The following NR3C1 variants were observed in gnomAD, a reference collection of about 807,000 sequenced individuals.
NR3C1 encodes glucocorticoid receptor.
A neutral mutation model predicts 74.0 loss-of-function variants in NR3C1; 14 were observed. The observed-to-expected ratio is 0.19, with a 90% CI of 0.12 to 0.30. NR3C1 has a LOEUF of 0.30. Ranked by LOEUF, NR3C1 falls within the 10% of genes least tolerant of loss-of-function variation. The probability of loss-of-function intolerance (pLI) is 1.00; values close to 1 mark genes in which losing one functional copy is unlikely to be tolerated. For missense variants in NR3C1, 695 were observed against 909.8 expected (o/e 0.76, Z 3.04); for synonymous variants, 308 against 332.5 (o/e 0.93, Z 0.80).
At chr5:143,299,005 GTTTTTTTTTTTT>G (rs35039262) in intron 5 of NR3C1, among the ~76,000 whole-genome samples, 193 bp from the exon 6 acceptor site, 2 of 106,728 alleles carry the variant, frequency 1.9e-5, no homozygotes, top group African/African-American at 7.1e-5. Context: ...ACCCTCTTGT[GTTTTTTTTTTTT>G]TTTTTTTTTT....
intron 2 of NR3C1, among the ~76,000 whole-genome samples, chr5:143,315,283 C>T (rs1180311805): frequency 6.6e-6 from 1 of 152,152 alleles, no homozygotes; most frequent in Non-Finnish European, 1.5e-5. Context: ...GAATTTTCCT[C>T]TTACGTGCTG....
chr5:143,401,477 G>A (rs999346533), intron 1 of NR3C1: 5 of 155,228 alleles, frequency 3.2e-5, no homozygotes, highest in Admixed American at 1.3e-4. Context: ...GCTGGGAAAA[G>A]GCTTTTTAAC....
At chr5:143,357,585 C>CT (rs1432444904) in intron 2 of NR3C1, among the ~76,000 whole-genome samples, 1 of 152,202 alleles carries the variant, frequency 6.6e-6, no homozygotes, top group Non-Finnish European at 1.5e-5. Flanking sequence ...GCCATGCTCC[C>CT]TTTCTCTTGC....
intron 7 of NR3C1, among the ~76,000 whole-genome samples, chr5:143,293,542 A>AAACTT (rs1816424879): frequency 1.3e-5 from 2 of 152,204 alleles, no homozygotes; most frequent in Non-Finnish European, 2.9e-5. Context: ...AAAAGATTAT[A>AAACTT]AACTTAAAAA....
chr5:143,432,349 T>C (rs1026617953), intron 1 of NR3C1, among the ~76,000 whole-genome samples: 2 of 152,146 alleles, frequency 1.3e-5, no homozygotes, highest in African/African-American at 4.8e-5. Context: ...TTCACAAACA[T>C]TGGTCCTGCA....
At chr5:143,344,865 G>A (rs2963148) in intron 2 of NR3C1, among the ~76,000 whole-genome samples, 22,039 of 151,844 alleles carry the variant, frequency 0.15, 1,777 homozygotes, top group African/African-American at 0.17. Flanking sequence ...GTGACAGAGT[G>A]AGACTCCATG....
At chr5:143,290,053 A>G (rs191208344) in intron 7 of NR3C1, among the ~76,000 whole-genome samples, 87 of 152,340 alleles carry the variant, frequency 5.7e-4, no homozygotes, top group African/African-American at 2.1e-3. Flanking sequence ...TATTTTTACT[A>G]GATTTATCTA....
intron 1 of NR3C1, among the ~76,000 whole-genome samples, chr5:143,412,312 A>T (rs949717451): frequency 2.1e-4 from 32 of 152,026 alleles, no homozygotes; most frequent in Non-Finnish European, 3.8e-4. Context: ...ACATGTTGCA[A>T]CTGGAACTCA....
intron 5 of NR3C1, among the ~76,000 whole-genome samples, 192 bp from the exon 6 acceptor site, chr5:143,299,004 TG>T (rs1234970487): frequency 5.7e-4 from 73 of 128,408 alleles, no homozygotes; most frequent in African/African-American, 2.1e-3. Flanking sequence ...AACCCTCTTG[TG>T]TTTTTTTTTT....
intron 1 of NR3C1, among the ~76,000 whole-genome samples, chr5:143,431,993 G>C (rs1751853675): frequency 1.3e-5 from 2 of 152,220 alleles, no homozygotes; most frequent in African/African-American, 2.4e-5. Flanking sequence ...TAGCTGCAAA[G>C]CTGACAGGAG....
intron 7 of NR3C1, among the ~76,000 whole-genome samples, chr5:143,291,129 CTGT>C (rs1164867502): frequency 7.9e-5 from 12 of 152,100 alleles, no homozygotes; most frequent in Admixed American, 2.0e-4. Context: ...GAAATTGTTA[CTGT>C]TGTTATTTTA....
At chr5:143,404,199 C>T (rs1036796061), upstream of NR3C1, 3 of 985,296 alleles carry the variant, frequency 3.0e-6, no homozygotes, top group African/African-American at 5.2e-5. Context: ...GCGTGAGTGG[C>T]CCGCGCCGCC....
At chr5:143,340,751 G>C (rs1193999888) in intron 2 of NR3C1, among the ~76,000 whole-genome samples, 1 of 151,998 alleles carries the variant, frequency 6.6e-6, no homozygotes, top group African/African-American at 2.4e-5. Flanking sequence ...AAAGTGCTGG[G>C]GTTACAGACA....
chr5:143,363,384 G>A (rs1832623437), intron 2 of NR3C1, among the ~76,000 whole-genome samples: 1 of 151,978 alleles, frequency 6.6e-6, no homozygotes, highest in Non-Finnish European at 1.5e-5. Flanking sequence ...CAATTACAAG[G>A]TATACAAAGA....
At chr5:143,345,821 T>C (rs191523788) in intron 2 of NR3C1, among the ~76,000 whole-genome samples, 235 of 152,326 alleles carry the variant, frequency 1.5e-3, no homozygotes, top group Non-Finnish European at 2.4e-3. Flanking sequence ...TTATAAGTGT[T>C]TTGGGTCTTT....
intron 2 of NR3C1, among the ~76,000 whole-genome samples, chr5:143,337,458 A>T (rs1827362843): frequency 6.6e-6 from 1 of 152,242 alleles, no homozygotes; most frequent in Admixed American, 6.5e-5. Context: ...AACTCCATCA[A>T]TAGATATGTA....
chr5:143,404,398 T>C (rs1840921871), upstream of NR3C1: 1 of 985,390 alleles, frequency 1.0e-6, no homozygotes, highest in South Asian at 4.7e-5. Flanking sequence ...GGGAGTCGCG[T>C]GCCGGCAGGT....
upstream of NR3C1, chr5:143,405,416 C>G (rs1471107677): frequency 1.1e-6 from 1 of 936,870 alleles, no homozygotes; most frequent in Non-Finnish European, 1.3e-6. Context: ...CGGAAGCCGC[C>G]CGCCGCCATC....
chr5:143,406,408 C>CA (rs76118247), upstream of NR3C1, among the ~76,000 whole-genome samples: 987 of 107,954 alleles, frequency 9.1e-3, 5 homozygotes, highest in African/African-American at 0.02. Flanking sequence ...TTTAATTGAG[C>CA]AAAAAAAAAA....
Sources: gnomAD v4.1 joint callset for allele counts (sites outside exome capture counted in the v4.1 genomes callset) on GRCh38, gnomAD v4.1.1 for gene constraint, MANE v1.5 for transcripts, NCBI Gene and HGNC (gene_info 2026-07-23, HGNC 2026-07-21) for gene names.